Variants in TMEFF1 observed in about 807,000 individuals in gnomAD.
TMEFF1 encodes the protein tomoregulin-1.
Under a neutral mutation model 47.5 loss-of-function variants are expected in TMEFF1, and 20 were observed. That is an observed-to-expected ratio of 0.42 (90% confidence interval 0.30 to 0.61). The LOEUF is 0.61. Ranked by LOEUF, TMEFF1 falls within the 20% of genes least tolerant of loss-of-function variation. The pLI, the probability that TMEFF1 is intolerant of heterozygous loss-of-function variation, is 0.19. For missense variants in TMEFF1, 411 were observed against 471.1 expected (o/e 0.87, Z 1.18); for synonymous variants, 162 against 166.3 (o/e 0.97, Z 0.20).
chr9:100,477,878 C>T (rs918202733), intron 1 of TMEFF1, among the ~76,000 whole-genome samples: 2 of 152,122 alleles, frequency 1.3e-5, no homozygotes, highest in African/African-American at 2.4e-5. Context: ...CCGCCTACCT[C>T]GGCCTTCCAA....
Position 100,572,499 on chromosome 9 carries a change from A to G in TMEFF1, c.900-19A>G, listed in dbSNP as rs1839266627. On this transcript the variant is annotated intron_variant, in intron 8 of 9. Coordinates refer to ENST00000374879, the MANE Select transcript of TMEFF1 (RefSeq NM_003692.5). ...AAATTTGTAATTTTCATAGGAATAT[A>G]TATATTTTTCCTTTTCAGATGTGAA... is the stretch of plus-strand genomic sequence containing the variant. The G allele has an allele frequency of 6.4e-7, 1 of 1,555,668 alleles. No homozygotes were observed.
At chr9:100,493,573 G>A (rs1837596095) in intron 1 of TMEFF1, among the ~76,000 whole-genome samples, 1 of 152,180 alleles carries the variant, frequency 6.6e-6, no homozygotes, top group Non-Finnish European at 1.5e-5. Context: ...TTTGAGAATT[G>A]TGGGGCAGAT....
intron 1 of TMEFF1, among the ~76,000 whole-genome samples, chr9:100,497,826 G>C (rs1317623335): frequency 6.6e-6 from 1 of 151,994 alleles, no homozygotes; most frequent in South Asian, 2.1e-4. Context: ...TTTTCCCAGA[G>C]AGTCTTAGCT....
intron 2 of TMEFF1, among the ~76,000 whole-genome samples, chr9:100,502,674 A>C (rs992206545): frequency 1.3e-5 from 2 of 152,142 alleles, no homozygotes; most frequent in African/African-American, 4.8e-5. Flanking sequence ...GCTTTTCTTC[A>C]TTTTTTGAGA....
At chr9:100,545,217 G>A (rs1206652368) in intron 5 of TMEFF1, among the ~76,000 whole-genome samples, 1 of 152,218 alleles carries the variant, frequency 6.6e-6, no homozygotes, top group Admixed American at 6.5e-5. Context: ...TGCCCTAGCA[G>A]AGGTTCTCCA....
In TMEFF1 at chr9:100,482,771, T is replaced by C. The variant is rs117008682; in HGVS notation, c.196+9031T>C. Among the ~76,000 whole-genome samples the C allele has an allele frequency of 5.6e-3, 847 of 152,314 alleles. 1 individual carries two copies. The highest frequency in any genetic ancestry group is 8.8e-3 in the Non-Finnish European group (600 of 68,024). On this transcript the variant is annotated intron_variant, in intron 1 of 9. Coordinates refer to ENST00000374879, the MANE Select transcript of TMEFF1 (RefSeq NM_003692.5). Reference sequence around the variant, plus strand: ...CCCTCATTCCTGTTATTCACAATTATATGTTTGGATGGGAGACCTTATTTC... The same window carrying C: ...CCCTCATTCCTGTTATTCACAATTACATGTTTGGATGGGAGACCTTATTTC...
chr9:100,514,880 A>G (rs772461679), intron 4 of TMEFF1, among the ~76,000 whole-genome samples: 64 of 152,230 alleles, frequency 4.2e-4, no homozygotes, highest in Middle Eastern at 3.4e-3. Context: ...CTGTAATCCC[A>G]GCTACTCAGG....
chr9:100,488,838 T>C (rs551473154), intron 1 of TMEFF1, among the ~76,000 whole-genome samples: 13 of 152,314 alleles, frequency 8.5e-5, no homozygotes, highest in African/African-American at 3.1e-4. Context: ...CTGTTTTTAA[T>C]TTTTTTATTT....
intron 5 of TMEFF1, among the ~76,000 whole-genome samples, chr9:100,527,587 C>T (rs1351285445): frequency 1.3e-5 from 2 of 152,320 alleles, no homozygotes; most frequent in South Asian, 2.1e-4. Flanking sequence ...CTCGGGGGGT[C>T]CTACACCCAT....
At chr9:100,508,722 A>G (rs758910889) in intron 2 of TMEFF1, among the ~76,000 whole-genome samples, 2 of 152,064 alleles carry the variant, frequency 1.3e-5, no homozygotes, top group Non-Finnish European at 2.9e-5. Flanking sequence ...TACATTGTCA[A>G]TAATTTCCTC....
At chr9:100,478,121 G>C (rs1837269551) in intron 1 of TMEFF1, among the ~76,000 whole-genome samples, 1 of 152,102 alleles carries the variant, frequency 6.6e-6, no homozygotes, top group Admixed American at 6.6e-5. Flanking sequence ...TCTGTATTCT[G>C]TTACTGTCCC....
At chr9:100,491,640 A>G (rs1424349226) in intron 1 of TMEFF1, among the ~76,000 whole-genome samples, 1 of 152,164 alleles carries the variant, frequency 6.6e-6, no homozygotes, top group East Asian at 1.9e-4. Context: ...ACTGCCAGAG[A>G]ATGAACAAAA....
intron 1 of TMEFF1, among the ~76,000 whole-genome samples, chr9:100,491,815 A>G (rs1472670440): frequency 6.6e-6 from 1 of 152,152 alleles, no homozygotes; most frequent in Non-Finnish European, 1.5e-5. Context: ...TTTTATTTTA[A>G]CATACACATA....
chr9:100,533,109 G>T (rs1838428289), intron 5 of TMEFF1, among the ~76,000 whole-genome samples: 1 of 121,810 alleles, frequency 8.2e-6, no homozygotes, highest in Admixed American at 9.6e-5. Context: ...GAGGGGGGAG[G>T]GATAGCATTG....
At chr9:100,550,207 G>T in intron 7 of TMEFF1, 47 bp downstream of exon 7, 3 of 1,578,160 alleles carry the variant, frequency 1.9e-6, no homozygotes, top group Non-Finnish European at 2.6e-6. Flanking sequence ...TGGAAATACG[G>T]TCACTAGCTG....
chr9:100,534,415 T>C (rs1023630840), intron 5 of TMEFF1, among the ~76,000 whole-genome samples: 1 of 152,088 alleles, frequency 6.6e-6, no homozygotes, highest in African/African-American at 2.4e-5. Context: ...GCAGAGTAAA[T>C]GTAGTTAAAT....
intron 1 of TMEFF1, among the ~76,000 whole-genome samples, chr9:100,498,381 T>C (rs1372122356): frequency 6.6e-6 from 1 of 152,132 alleles, no homozygotes; most frequent in Admixed American, 6.5e-5. Context: ...TACTGTTAAT[T>C]CTCATTAGCC....
chr9:100,556,639 A>T (rs1271528729), intron 7 of TMEFF1, among the ~76,000 whole-genome samples: 1 of 152,218 alleles, frequency 6.6e-6, no homozygotes, highest in Non-Finnish European at 1.5e-5. Context: ...GTGTTCAAGT[A>T]GACATAGGCT....
At chr9:100,564,516 CAAAT>C (rs1299367322) in intron 8 of TMEFF1, among the ~76,000 whole-genome samples, 1 of 152,130 alleles carries the variant, frequency 6.6e-6, no homozygotes, top group Non-Finnish European at 1.5e-5. Context: ...AAGAGACCGA[CAAAT>C]AAGTAATTAT....
Sources: gnomAD v4.1 joint callset for allele counts (sites outside exome capture counted in the v4.1 genomes callset) on GRCh38, gnomAD v4.1.1 for gene constraint, MANE v1.5 for transcripts, NCBI Gene and HGNC (gene_info 2026-07-23, HGNC 2026-07-21) for gene names.